Variants in LRRC4C observed in about 807,000 individuals in gnomAD.
The protein encoded by LRRC4C is leucine-rich repeat-containing protein 4C.
A neutral mutation model predicts 33.6 loss-of-function variants in LRRC4C; 5 were observed. That is an observed-to-expected ratio of 0.15 (90% CI 0.08 to 0.31). The LOEUF (loss-of-function observed/expected upper bound fraction) is 0.31, where lower values mean the gene tolerates loss of function less well. Ranked by LOEUF, LRRC4C falls within the 10% of genes least tolerant of loss-of-function variation. The probability of loss-of-function intolerance (pLI) is 1.00; values close to 1 mark genes in which losing one functional copy is unlikely to be tolerated. For missense variants in LRRC4C, 560 were observed against 796.7 expected, an observed-to-expected ratio of 0.70 and a Z score of 3.58; for synonymous variants, 329 against 302.0, an observed-to-expected ratio of 1.09 and a Z score of -0.93.
chr11:41,388,008 T>A (rs150447721), intron 1 of LRRC4C, among the ~76,000 whole-genome samples: 1 of 151,840 alleles, frequency 6.6e-6, no homozygotes, highest in Non-Finnish European at 1.5e-5. Context: ...CATTAAATTT[T>A]CTCTGAAAGG....
Position 41,055,750 on chromosome 11 carries a change from C to A in LRRC4C, c.-495-122027G>T, listed in dbSNP as rs560017157. On this transcript the variant is annotated intron_variant, in intron 1 of 6. Transcript: ENST00000528697. ...ACATTCTTTACAAGAATAAAATATG[C>A]TACAGTAAAGAATAGAAGATCTAGT... 1.2e-3 allele frequency among the ~76,000 whole-genome samples: 178 copies of A among 152,026 alleles called. 1 individual carries two copies. The highest frequency in any genetic ancestry group is 4.2e-3 in the African/African-American group (173 of 41,488).
intron 1 of LRRC4C, among the ~76,000 whole-genome samples, chr11:41,381,028 A>G (rs1055831115): frequency 1.3e-5 from 2 of 152,182 alleles, no homozygotes; most frequent in Admixed American, 6.5e-5. Flanking sequence ...AAACCACGCT[A>G]TCTGCACGGT....
intron 2 of LRRC4C, among the ~76,000 whole-genome samples, chr11:40,879,555 G>A (rs1176908450): frequency 6.6e-6 from 1 of 152,124 alleles, no homozygotes; most frequent in Non-Finnish European, 1.5e-5. Context: ...AAGGAAGAAG[G>A]AGACCTACAA....
intron 1 of LRRC4C, among the ~76,000 whole-genome samples, chr11:40,980,916 A>T (rs1852471852): frequency 1.3e-5 from 2 of 152,242 alleles, no homozygotes; most frequent in Non-Finnish European, 2.9e-5. Flanking sequence ...CGTAATAAAC[A>T]GTAACACATA....
At chr11:40,593,929 G>T (rs1388041028) in intron 3 of LRRC4C, among the ~76,000 whole-genome samples, 1 of 152,130 alleles carries the variant, frequency 6.6e-6, no homozygotes, top group South Asian at 2.1e-4. Context: ...TTAGAGGAAG[G>T]TTCTATTTTG....
At chr11:40,414,033 C>T (rs181738449) in intron 3 of LRRC4C, among the ~76,000 whole-genome samples, 2 of 152,014 alleles carry the variant, frequency 1.3e-5, no homozygotes, top group Admixed American at 6.6e-5. Context: ...TAGATCTAAA[C>T]ACATTTTTTT....
intron 1 of LRRC4C, among the ~76,000 whole-genome samples, chr11:41,433,864 T>A (rs1955331732): frequency 6.6e-6 from 1 of 151,752 alleles, no homozygotes; most frequent in South Asian, 2.1e-4. Context: ...ATCTTATTAA[T>A]TCTGTCCCTC....
At chr11:41,011,971 T>C (rs1419251130) in intron 1 of LRRC4C, among the ~76,000 whole-genome samples, 2 of 150,082 alleles carry the variant, frequency 1.3e-5, no homozygotes, top group Non-Finnish European at 3.0e-5. Context: ...ACTTAATAGA[T>C]GTGTATATTT....
intron 3 of LRRC4C, among the ~76,000 whole-genome samples, chr11:40,357,024 T>G (rs1947701320): frequency 6.6e-6 from 1 of 152,156 alleles, no homozygotes; most frequent in Non-Finnish European, 1.5e-5. Context: ...ACAAAGTCTA[T>G]GAGCACACTG....
chr11:40,891,924 A>G (rs1955726702), intron 2 of LRRC4C, among the ~76,000 whole-genome samples: 1 of 152,028 alleles, frequency 6.6e-6, no homozygotes, highest in Non-Finnish European at 1.5e-5. Context: ...TCACGAGTTC[A>G]GGAGATCGAG....
chr11:40,658,401 T>C (rs1039910515), intron 2 of LRRC4C, among the ~76,000 whole-genome samples: 5 of 152,218 alleles, frequency 3.3e-5, no homozygotes, highest in Admixed American at 3.3e-4. Flanking sequence ...TCTGTAACCA[T>C]AACACTTCTG....
chr11:41,387,740 C>G (rs564522356), intron 1 of LRRC4C, among the ~76,000 whole-genome samples: 2 of 151,838 alleles, frequency 1.3e-5, no homozygotes, highest in Admixed American at 1.3e-4. Flanking sequence ...AGACAGTTTC[C>G]TAGACACCAC....
chr11:40,175,573 A>T (rs796364145), intron 5 of LRRC4C, among the ~76,000 whole-genome samples: 9 of 152,308 alleles, frequency 5.9e-5, no homozygotes, highest in African/African-American at 1.9e-4. Context: ...TCCTCTGCAG[A>T]GTGATGGCAG....
intron 2 of LRRC4C, among the ~76,000 whole-genome samples, chr11:40,765,894 T>A (rs1949426362): frequency 6.6e-6 from 1 of 151,724 alleles, no homozygotes; most frequent in Admixed American, 6.6e-5. Context: ...GGTGGAGAGA[T>A]GGGGTTAGAA....
At chr11:41,139,994 A>G (rs1299271674) in intron 1 of LRRC4C, among the ~76,000 whole-genome samples, 1 of 152,156 alleles carries the variant, frequency 6.6e-6, no homozygotes, top group African/African-American at 2.4e-5. Flanking sequence ...TTCTGATCTC[A>G]TGATTTTCAT....
intron 1 of LRRC4C, among the ~76,000 whole-genome samples, chr11:41,283,338 C>G (rs569615312): frequency 6.6e-6 from 1 of 152,054 alleles, no homozygotes; most frequent in Admixed American, 6.5e-5. Flanking sequence ...TTGAGTCAAC[C>G]CTTTTGTATT....
chr11:41,205,618 G>GACT (rs1310361191), intron 1 of LRRC4C, among the ~76,000 whole-genome samples: 6 of 152,194 alleles, frequency 3.9e-5, no homozygotes, highest in African/African-American at 1.2e-4. Flanking sequence ...TAGACTCTCA[G>GACT]ACTACTGCCT....
At chr11:40,117,604 A>T (rs1040395536) in intron 6 of LRRC4C, among the ~76,000 whole-genome samples, 1 of 151,864 alleles carries the variant, frequency 6.6e-6, no homozygotes, top group Non-Finnish European at 1.5e-5. Context: ...CACCACACTC[A>T]GCTGGCTTAT....
chr11:41,368,923 G>A (rs7105927), intron 1 of LRRC4C, among the ~76,000 whole-genome samples: 2,869 of 152,170 alleles, frequency 0.019, 84 homozygotes, highest in African/African-American at 0.065. Context: ...TTCACTTCTA[G>A]GTAGCAGAGA....
Sources: allele counts gnomAD v4.1 joint callset (sites outside exome capture counted in the v4.1 genomes callset), GRCh38; gene constraint gnomAD v4.1.1; transcripts MANE v1.5; gene names NCBI Gene and HGNC (gene_info 2026-07-23, HGNC 2026-07-21).